The following DSG1 variants were observed in gnomAD, a reference collection of about 807,000 sequenced individuals.
DSG1 encodes desmoglein 1, also known as desmoglein-1.
In DSG1, 39 loss-of-function variants were observed where a neutral mutation model predicts 97.5. The ratio of observed to expected loss-of-function variants is 0.40; its 90% CI spans 0.31 to 0.52. The LOEUF is 0.52. Ranked by LOEUF, DSG1 falls within the 20% of genes least tolerant of loss-of-function variation. The pLI is 0.53. For synonymous variants in DSG1, 475 were observed against 443.4 expected, an observed-to-expected ratio of 1.07 and a Z score of -0.90; for missense variants, 1,311 against 1,295.4, an observed-to-expected ratio of 1.01 and a Z score of -0.18.
At chr18:31,330,143 A>C in intron 5 of DSG1, 107 bp downstream of exon 5, 1 of 1,372,576 alleles carries the variant, frequency 7.3e-7, no homozygotes, top group Non-Finnish European at 1.0e-6. Flanking sequence ...AACTATAGAA[A>C]AGATGCAGAA....
At chr18:31,325,088 A>G (rs756868824) in intron 1 of DSG1, among the ~76,000 whole-genome samples, 1 of 152,200 alleles carries the variant, frequency 6.6e-6, no homozygotes, top group Admixed American at 6.5e-5. Context: ...GTGACTTTGT[A>G]TCAGAGTTTA....
chr18:31,330,712 G>T (rs7242392), intron 5 of DSG1, among the ~76,000 whole-genome samples: 16 of 152,140 alleles, frequency 1.1e-4, no homozygotes, highest in African/African-American at 3.6e-4. Context: ...TAAATCACAT[G>T]TTTTTTAACA....
intron 9 of DSG1, among the ~76,000 whole-genome samples, chr18:31,337,986 G>T (rs1015368459): frequency 2.0e-5 from 3 of 152,062 alleles, no homozygotes; most frequent in African/African-American, 7.2e-5. Context: ...CTAGGATCTG[G>T]GTCTTCTGTA....
intron 6 of DSG1, 71 bp downstream of exon 6, chr18:31,331,938 A>G (rs2071723859): frequency 1.4e-6 from 2 of 1,440,642 alleles, no homozygotes; most frequent in Admixed American, 1.8e-5. Flanking sequence ...TACTGAAGAG[A>G]CAAAGAGATG....
intron 11 of DSG1, among the ~76,000 whole-genome samples, chr18:31,342,302 G>A (rs1480457304): frequency 2.0e-5 from 3 of 151,796 alleles, no homozygotes; most frequent in South Asian, 2.1e-4. Context: ...AATTATATAT[G>A]GGCCTTAGTC....
intron 3 of DSG1, 149 bp from the exon 4 acceptor site, chr18:31,328,040 T>C (rs1420665282): frequency 1.3e-6 from 1 of 762,824 alleles, no homozygotes; most frequent in Non-Finnish European, 2.1e-6. Context: ...GCTGTAATTG[T>C]TACTCTTATC....
rs772533514 is a variant in DSG1, at chr18:31,326,578, C to T, written c.49-3C>T. On this transcript the variant is annotated splice_region_variant and splice_polypyrimidine_tract_variant and intron_variant, in intron 1 of 14. Transcript: ENST00000257192. ...ACTAGTGTGATTATCTTATTTTTTA[C>T]AGGTGGTGGTAGAAGTTAACAGTGA... 3.1e-6 allele frequency: 5 copies of T among 1,596,384 alleles called. No homozygotes were observed. The Admixed American group carries it at 6.7e-5, about 21-fold the overall frequency.
At chr18:31,353,607 C>G (rs987435010) in intron 14 of DSG1, among the ~76,000 whole-genome samples, 2 of 152,188 alleles carry the variant, frequency 1.3e-5, no homozygotes, top group African/African-American at 2.4e-5. Context: ...GACTGCTGTG[C>G]TAGCAATCAG....
intron 5 of DSG1, among the ~76,000 whole-genome samples, chr18:31,330,903 AG>A (rs1469749132): frequency 6.6e-6 from 1 of 152,216 alleles, no homozygotes; most frequent in Non-Finnish European, 1.5e-5. Flanking sequence ...AACATTTTAA[AG>A]GTTATGCTAC....
rs138467988 is a variant in DSG1, at chr18:31,346,209, T to C, written c.2100+11T>C. ...AGCTACTTCTGTCAGGTAAGGTCCC[T>C]AGCCACATGCCTTTCTCGCCATCCA... On this transcript the variant is annotated intron_variant, in intron 14 of 14. Coordinates refer to ENST00000257192, the MANE Select transcript of DSG1 (RefSeq NM_001942.4). 3,952 of 1,606,630 alleles carry C rather than the reference T, an allele frequency of 2.5e-3. 8 individuals carry two copies. Among genetic ancestry groups the C allele is most frequent in the Middle Eastern group, 3.8e-3 (23 of 6,052 alleles).
intron 14 of DSG1, chr18:31,353,946 T>A (rs1050314467): frequency 3.4e-6 from 1 of 292,940 alleles, no homozygotes; most frequent in Non-Finnish European, 6.6e-6. Context: ...TCGCTCACGC[T>A]GGGAGCTGTA....
At chr18:31,337,743 C>G (rs1376946539) in intron 9 of DSG1, among the ~76,000 whole-genome samples, 1 of 152,064 alleles carries the variant, frequency 6.6e-6, no homozygotes, top group Non-Finnish European at 1.5e-5. Context: ...AATTACCTAA[C>G]CAGTGTTTGT....
chr18:31,322,524 T>C (rs1177416248), intron 1 of DSG1, among the ~76,000 whole-genome samples: 1 of 152,180 alleles, frequency 6.6e-6, no homozygotes, highest in African/African-American at 2.4e-5. Flanking sequence ...ACTTGTAAAA[T>C]ACACAAACGA....
chr18:31,331,760 A>C lies in DSG1; in HGVS notation c.577A>C (p.Lys193Gln). The change falls in exon 6 of 15, where the codon AAA becomes CAA. Residue 193 changes from lysine (K) to glutamine (Q), a missense_variant. This residue lies in a region of DSG1 where 259 missense variants were observed against 304.1 expected (regional missense o/e 0.85). Coordinates refer to ENST00000257192, the MANE Select transcript of DSG1 (RefSeq NM_001942.4). ...AGATGAACCGAACAATTTGAACTCA[A>C]AAATAGCCTTCAAGATTATAAGACA... ...DADEPNNLNSKIAFKIIRQEP... is the reference protein window; with the variant it reads ...DADEPNNLNSQIAFKIIRQEP... 6.2e-7 allele frequency: 1 copy of C among 1,612,954 alleles called. No individual in the cohort carries two copies. Among genetic ancestry groups the C allele is most frequent in the Non-Finnish European group, 8.5e-7 (1 of 1,179,206 alleles).
At chr18:31,354,268 T>A in intron 14 of DSG1, 29 bp from the exon 15 acceptor site, 2 of 1,597,626 alleles carry the variant, frequency 1.3e-6, no homozygotes, top group Non-Finnish European at 1.7e-6. Flanking sequence ...CATTCATAAT[T>A]TCATTTTCTC....
At chr18:31,336,116 G>A (rs1041218199) in intron 8 of DSG1, among the ~76,000 whole-genome samples, 9 of 152,154 alleles carry the variant, frequency 5.9e-5, no homozygotes, top group South Asian at 2.1e-4. Context: ...CAGAGCTCAC[G>A]TCATATGTTT....
intron 1 of DSG1, among the ~76,000 whole-genome samples, chr18:31,323,457 AT>A (rs2071666077): frequency 2.0e-5 from 3 of 152,076 alleles, no homozygotes; most frequent in African/African-American, 7.2e-5. Context: ...TAATTGATCG[AT>A]TTTAATCTCT....
rs369724851 is a variant in DSG1 at position 31,333,553 on chromosome 18, G to C, written c.685-36G>C. 2.2e-5 allele frequency: 35 copies of C among 1,613,276 alleles called. No individual in the cohort carries two copies. In the South Asian group the frequency reaches 3.3e-4, roughly 15 times the overall value. ...ATAAGACAAAGTAAAGGCTGTCTAC[G>C]TCAAGTGTGATATTGCCTGTAATAT... On this transcript the variant is annotated intron_variant, in intron 6 of 14. Transcript: ENST00000257192.
At position 31,359,171 on chromosome 18, in the gene DSG1, G is replaced by T. The variant is rs1219423733; in HGVS notation, c.*3825G>T. ...TATTTGGGTGCTAGTTTCTTGCTTG[G>T]TTATCTGTTCGTTTTTTTAAGTTGA... On this transcript the variant is annotated 3_prime_UTR_variant, in exon 15 of 15. Coordinates refer to ENST00000257192, the MANE Select transcript of DSG1 (RefSeq NM_001942.4). 6.6e-6 allele frequency among the ~76,000 whole-genome samples: 1 copy of T among 151,938 alleles called. No individual in the cohort carries two copies. Among genetic ancestry groups the T allele is most frequent in the African/African-American group, 2.4e-5 (1 of 41,364 alleles).
Sources: gnomAD v4.1 joint callset for allele counts (sites outside exome capture counted in the v4.1 genomes callset) on GRCh38, gnomAD v4.1.1 for gene constraint, gnomAD v4.1.1 regional missense constraint, MANE v1.5 for transcripts, NCBI Gene and HGNC (gene_info 2026-07-23, HGNC 2026-07-21) for gene names.